NRXN1: variants seen among roughly 807,000 people sequenced by gnomAD.
NRXN1 encodes the protein neurexin 1.
In NRXN1, 39 loss-of-function variants were observed where a neutral mutation model predicts 150.9. That is an observed-to-expected ratio of 0.26 (90% CI 0.20 to 0.34). The LOEUF (loss-of-function observed/expected upper bound fraction) is 0.34, where lower values mean the gene tolerates loss of function less well. NRXN1 is among the 10% of genes least tolerant of loss of function. NRXN1 has a pLI of 1.00. For missense variants in NRXN1, 1,815 were observed against 1,949.9 expected, an observed-to-expected ratio of 0.93 and a Z score of 1.30; for synonymous variants, 924 against 757.0, an observed-to-expected ratio of 1.22 and a Z score of -3.62.
At chr2:50,375,819 A>G (rs1299890692) in intron 17 of NRXN1, among the ~76,000 whole-genome samples, 1 of 152,034 alleles carries the variant, frequency 6.6e-6, no homozygotes, top group Non-Finnish European at 1.5e-5. Context: ...ACAAGAGGAA[A>G]GGTTGATCTA....
In NRXN1 at chr2:50,986,447, C is replaced by G. The variant is rs539315440; in HGVS notation, c.772+41055G>C. Among the ~76,000 whole-genome samples, 328 of 151,724 alleles carry G rather than the reference C, an allele frequency of 2.2e-3. 1 individual carries two copies. Among genetic ancestry groups the G allele is most frequent in the Non-Finnish European group, 3.9e-3 (265 of 67,732 alleles). On this transcript the variant is annotated intron_variant, in intron 2 of 22. Coordinates refer to ENST00000401669, the MANE Select transcript of NRXN1 (RefSeq NM_001330078.2). ...TTGAAACAACCTAAATATTTACCAA[C>G]AAGGAATCAGTAAATACATCATCTT...
rs556075577 is a variant in NRXN1 at position 49,956,735 on chromosome 2, T to C, written c.4129-12944A>G. 1.1e-4 allele frequency among the ~76,000 whole-genome samples: 17 copies of C among 152,328 alleles called. No homozygotes were observed. In the South Asian group the frequency reaches 3.5e-3, roughly 32 times the overall value. On this transcript the variant is annotated intron_variant, in intron 21 of 22. Coordinates refer to ENST00000401669, the MANE Select transcript of NRXN1 (RefSeq NM_001330078.2). ...AGTCAAAGAAATCTGGAAATGTTTCTATGAGTAGAAATTTGTGATAAAGGA... is the reference window on the plus strand; with the variant it reads ...AGTCAAAGAAATCTGGAAATGTTTCCATGAGTAGAAATTTGTGATAAAGGA...
At chr2:50,611,921 A>G (rs1381176880) in intron 8 of NRXN1, among the ~76,000 whole-genome samples, 1 of 152,040 alleles carries the variant, frequency 6.6e-6, no homozygotes, top group African/African-American at 2.4e-5. Flanking sequence ...CCCCAATCAG[A>G]TCTTCCCTTC....
chr2:50,598,172 C>T (rs1234631997), intron 8 of NRXN1, among the ~76,000 whole-genome samples: 4 of 151,734 alleles, frequency 2.6e-5, no homozygotes, highest in Admixed American at 6.6e-5. Flanking sequence ...AGCCTCAATA[C>T]CTCTACCCGG....
At chr2:50,498,638 T>C (rs951072905) in intron 13 of NRXN1, among the ~76,000 whole-genome samples, 2 of 152,154 alleles carry the variant, frequency 1.3e-5, no homozygotes, top group Non-Finnish European at 2.9e-5. Flanking sequence ...CCCATCTTTA[T>C]CTCCAGAGTG....
intron 17 of NRXN1, among the ~76,000 whole-genome samples, chr2:50,303,851 T>C (rs773153195): frequency 3.9e-5 from 6 of 152,116 alleles, no homozygotes; most frequent in Admixed American, 6.5e-5. Flanking sequence ...AATTAATAAC[T>C]GGAAATTTTT....
intron 2 of NRXN1, among the ~76,000 whole-genome samples, chr2:50,967,515 G>A (rs1694292143): frequency 6.6e-6 from 1 of 151,966 alleles, no homozygotes; most frequent in South Asian, 2.1e-4. Flanking sequence ...AGGAAGTATG[G>A]GCACTGATTA....
At chr2:50,642,111 A>G (rs1408958472) in intron 5 of NRXN1, among the ~76,000 whole-genome samples, 4 of 152,128 alleles carry the variant, frequency 2.6e-5, no homozygotes, top group African/African-American at 9.7e-5. Flanking sequence ...TGCTTGCAAA[A>G]TAAGTCATGG....
chr2:50,469,695 G>T (rs996895080), intron 16 of NRXN1, among the ~76,000 whole-genome samples: 1 of 151,056 alleles, frequency 6.6e-6, no homozygotes, highest in South Asian at 2.1e-4. Context: ...TAAATTAAAA[G>T]TTGTTCACCT....
intron 5 of NRXN1, among the ~76,000 whole-genome samples, chr2:50,694,042 C>T (rs1435318782): frequency 6.6e-6 from 1 of 152,098 alleles, no homozygotes; most frequent in Admixed American, 6.5e-5. Flanking sequence ...ATTCTCTTGC[C>T]TTGGCCTGCC....
chr2:51,003,518 A>C (rs919840764), intron 2 of NRXN1, among the ~76,000 whole-genome samples: 2 of 151,972 alleles, frequency 1.3e-5, no homozygotes, highest in African/African-American at 4.8e-5. Context: ...TAAAAATTTG[A>C]TTTATTTAGT....
intron 17 of NRXN1, among the ~76,000 whole-genome samples, chr2:50,355,485 C>G (rs887557325): frequency 6.6e-6 from 1 of 152,064 alleles, no homozygotes; most frequent in Non-Finnish European, 1.5e-5. Context: ...ACTTCTGCCA[C>G]TTTCCCCACA....
At chr2:51,004,457 A>C in intron 2 of NRXN1, among the ~76,000 whole-genome samples, 1 of 152,006 alleles carries the variant, frequency 6.6e-6, no homozygotes, top group East Asian at 1.9e-4. Context: ...ATGAATAATT[A>C]AAAAGTTATG....
At chr2:50,996,661 C>T (rs1015784240) in intron 2 of NRXN1, among the ~76,000 whole-genome samples, 1 of 151,804 alleles carries the variant, frequency 6.6e-6, no homozygotes, top group African/African-American at 2.4e-5. Flanking sequence ...TAGACTTCCA[C>T]CAGGGAAACC....
intron 11 of NRXN1, chr2:50,528,854 A>G: frequency 2.1e-6 from 1 of 465,872 alleles, no homozygotes; most frequent in Admixed American, 4.5e-5. Context: ...GAAGGTTTTA[A>G]AAATGGCCAA....
intron 21 of NRXN1, among the ~76,000 whole-genome samples, chr2:49,949,344 C>A (rs1305590489): frequency 6.6e-6 from 1 of 151,872 alleles, no homozygotes; most frequent in Non-Finnish European, 1.5e-5. Context: ...TATGCATTTG[C>A]TGTCACTTTA....
chr2:50,005,886 G>C (rs1443262210), intron 21 of NRXN1, among the ~76,000 whole-genome samples: 1 of 152,064 alleles, frequency 6.6e-6, no homozygotes, highest in African/African-American at 2.4e-5. Flanking sequence ...TTTAATGTTA[G>C]CATTTTTGCC....
intron 17 of NRXN1, among the ~76,000 whole-genome samples, chr2:50,274,897 C>A (rs2070233014): frequency 6.6e-6 from 1 of 152,104 alleles, no homozygotes. Context: ...AAACAGGCTT[C>A]TGTACAACAG....
At chr2:50,041,297 T>TA (rs940470154) in intron 21 of NRXN1, among the ~76,000 whole-genome samples, 23 of 152,134 alleles carry the variant, frequency 1.5e-4, no homozygotes, top group Non-Finnish European at 1.5e-4. Flanking sequence ...TATTTGCCTA[T>TA]AAAAAAATCA....
Sources: allele counts gnomAD v4.1 joint callset (sites outside exome capture counted in the v4.1 genomes callset), GRCh38; gene constraint gnomAD v4.1.1; transcripts MANE v1.5; gene names NCBI Gene and HGNC (gene_info 2026-07-23, HGNC 2026-07-21).